The following CAMK4 variants were observed in gnomAD, a reference collection of about 807,000 sequenced individuals.
The protein encoded by CAMK4 is calcium/calmodulin dependent protein kinase IV, also known as calcium/calmodulin-dependent protein kinase type IV.
A neutral mutation model predicts 44.9 loss-of-function variants in CAMK4; 22 were observed. That is an observed-to-expected ratio of 0.49 (90% CI 0.35 to 0.70). The LOEUF is 0.70. CAMK4 is among the 30% of genes least tolerant of loss of function. CAMK4 has a pLI of 0.01. For synonymous variants in CAMK4, 218 were observed against 215.4 expected, an observed-to-expected ratio of 1.01 and a Z score of -0.11; for missense variants, 498 against 586.8, an observed-to-expected ratio of 0.85 and a Z score of 1.56.
At chr5:111,235,778 G>A (rs1182047896) in intron 1 of CAMK4, among the ~76,000 whole-genome samples, 2 of 152,216 alleles carry the variant, frequency 1.3e-5, no homozygotes, top group Non-Finnish European at 2.9e-5. Flanking sequence ...TCTGGCTTGG[G>A]CCAGGCAAGG....
intron 9 of CAMK4, among the ~76,000 whole-genome samples, chr5:111,479,853 C>A (rs1422299095): frequency 6.6e-6 from 1 of 152,078 alleles, no homozygotes; most frequent in Non-Finnish European, 1.5e-5. Context: ...TCCTAAACAC[C>A]TCTTGAATCC....
At chr5:111,252,764 C>T (rs1009229977) in intron 1 of CAMK4, among the ~76,000 whole-genome samples, 13 of 152,120 alleles carry the variant, frequency 8.5e-5, no homozygotes, top group Admixed American at 5.9e-4. Flanking sequence ...TTATTTTATC[C>T]GTGATCCTAC....
intron 2 of CAMK4, among the ~76,000 whole-genome samples, chr5:111,372,373 C>T (rs186554113): frequency 1.4e-3 from 216 of 152,168 alleles, no homozygotes; most frequent in African/African-American, 5.0e-3. Flanking sequence ...CTCCTACATC[C>T]AGGAATAGGC....
At chr5:111,377,039 A>C (rs1031574262) in intron 4 of CAMK4, 97 bp downstream of exon 4, 16 of 727,492 alleles carry the variant, frequency 2.2e-5, no homozygotes, top group Admixed American at 2.0e-4. Flanking sequence ...TTATAATGAC[A>C]GATTATACTT....
At chr5:111,364,921 A>T (rs900741261) in intron 2 of CAMK4, 1 of 152,192 alleles carries the variant, frequency 6.6e-6, no homozygotes, top group African/African-American at 2.4e-5. Flanking sequence ...TCCTTACAAT[A>T]TCAGTCTCCT....
intron 5 of CAMK4, among the ~76,000 whole-genome samples, chr5:111,405,518 CA>C (rs1297675564): frequency 4.6e-5 from 7 of 152,020 alleles, no homozygotes; most frequent in Non-Finnish European, 8.8e-5. Flanking sequence ...AATTAACAGC[CA>C]ATATGAAAGA....
At position 111,380,402 on chromosome 5, in the gene CAMK4, A is replaced by G. The variant is rs147369084; in HGVS notation, c.386+3460A>G. On this transcript the variant is annotated intron_variant, in intron 4 of 10. Transcript: ENST00000282356. ...AGGGGTACATTTGCAGGTTTGTTAC[A>G]TAGGTAAATGTGTGTCATGGCGATT... is the stretch of plus-strand genomic sequence containing the variant. Among the ~76,000 whole-genome samples the G allele has an allele frequency of 8.6e-4, 130 of 152,044 alleles. 1 individual carries two copies. Among genetic ancestry groups the G allele is most frequent in the African/African-American group, 3.1e-3 (127 of 41,494 alleles).
At position 111,398,351 on chromosome 5, in the gene CAMK4, G is replaced by A. The variant is rs1752097464; in HGVS notation, c.459+3569G>A. Among the ~76,000 whole-genome samples the A allele has an allele frequency of 2.6e-5, 4 of 152,184 alleles. No individual in the cohort carries two copies. The South Asian group carries it at 8.3e-4, about 31-fold the overall frequency. On this transcript the variant is annotated intron_variant, in intron 5 of 10. Transcript: ENST00000282356. Reference sequence around the variant, plus strand: ...GTGTGAATTGTGCAGTATAAATGTGGCTGGCCAGGACTGGGGATAAGGGGG... The same window carrying A: ...GTGTGAATTGTGCAGTATAAATGTGACTGGCCAGGACTGGGGATAAGGGGG...
At chr5:111,399,570 C>T (rs1430503117) in intron 5 of CAMK4, among the ~76,000 whole-genome samples, 1 of 152,108 alleles carries the variant, frequency 6.6e-6, no homozygotes, top group African/African-American at 2.4e-5. Flanking sequence ...TCAATAAACA[C>T]TTACTGAATA....
intron 1 of CAMK4, among the ~76,000 whole-genome samples, chr5:111,231,452 C>T (rs1004724565): frequency 1.3e-5 from 2 of 152,174 alleles, no homozygotes; most frequent in African/African-American, 2.4e-5. Flanking sequence ...AGTTGTTAAA[C>T]CAAAACTGTC....
At chr5:111,418,887 G>A (rs934971217) in intron 5 of CAMK4, among the ~76,000 whole-genome samples, 7 of 152,102 alleles carry the variant, frequency 4.6e-5, no homozygotes, top group Non-Finnish European at 7.3e-5. Flanking sequence ...ATTGTGAATA[G>A]TGCCGCAATA....
intron 7 of CAMK4, among the ~76,000 whole-genome samples, chr5:111,461,607 C>T (rs1754644333): frequency 6.6e-6 from 1 of 151,948 alleles, no homozygotes; most frequent in South Asian, 2.1e-4. Flanking sequence ...GGTTCCTAGG[C>T]CAAGCTAGGA....
intron 1 of CAMK4, among the ~76,000 whole-genome samples, chr5:111,225,749 T>TC (rs1370176948): frequency 6.6e-6 from 1 of 152,198 alleles, no homozygotes; most frequent in African/African-American, 2.4e-5. Context: ...CTGCCCACTC[T>TC]CCCCCCACTT....
At chr5:111,237,498 T>G (rs1580461955) in intron 1 of CAMK4, among the ~76,000 whole-genome samples, 2 of 152,242 alleles carry the variant, frequency 1.3e-5, no homozygotes, top group African/African-American at 2.4e-5. Flanking sequence ...AATTTTATTC[T>G]CATTTTGTGC....
At chr5:111,298,158 T>A (rs1239518356) in intron 1 of CAMK4, among the ~76,000 whole-genome samples, 1 of 152,234 alleles carries the variant, frequency 6.6e-6, no homozygotes, top group Non-Finnish European at 1.5e-5. Context: ...AGTAGCCTTT[T>A]ATTTTTAAAA....
chr5:111,235,736 G>C (rs1172191085), intron 1 of CAMK4, among the ~76,000 whole-genome samples: 1 of 152,256 alleles, frequency 6.6e-6, no homozygotes, highest in Non-Finnish European at 1.5e-5. Context: ...GCTAAGGGCT[G>C]TTGGGATTGG....
At chr5:111,291,671 C>A in intron 1 of CAMK4, among the ~76,000 whole-genome samples, 1 of 152,078 alleles carries the variant, frequency 6.6e-6, no homozygotes, top group South Asian at 2.1e-4. Context: ...CCACCATACC[C>A]AGCTAATTTT....
At chr5:111,369,557 T>C (rs1750926888) in intron 2 of CAMK4, among the ~76,000 whole-genome samples, 1 of 152,206 alleles carries the variant, frequency 6.6e-6, no homozygotes, top group African/African-American at 2.4e-5. Flanking sequence ...TATCATTGTT[T>C]TGCAAATCTC....
At chr5:111,398,359 G>A (rs553663225) in intron 5 of CAMK4, among the ~76,000 whole-genome samples, 20 of 152,290 alleles carry the variant, frequency 1.3e-4, no homozygotes, top group African/African-American at 4.3e-4. Flanking sequence ...TGGCTGGCCA[G>A]GACTGGGGAT....
Sources: allele counts gnomAD v4.1 joint callset (sites outside exome capture counted in the v4.1 genomes callset), GRCh38; gene constraint gnomAD v4.1.1; transcripts MANE v1.5; gene names NCBI Gene and HGNC (gene_info 2026-07-23, HGNC 2026-07-21).